Variants in EHD4 observed in about 807,000 individuals in gnomAD.
The protein encoded by EHD4 is EH domain containing 4, also known as EH domain-containing protein 4.
In EHD4, 37 loss-of-function variants were observed where a neutral mutation model predicts 51.0. The observed-to-expected ratio is 0.73, with a 90% CI of 0.56 to 0.95. The LOEUF is 0.95. Among genes scored for constraint, EHD4 ranks in the 40% least tolerant of loss-of-function variants. The pLI is 0.00. For synonymous variants in EHD4, 297 were observed against 317.3 expected (o/e 0.94, Z 0.68); for missense variants, 632 against 733.1 (o/e 0.86, Z 1.59).
In EHD4 at chr15:41,959,831, G is replaced by T. The variant is rs556153901; in HGVS notation, c.237-5891C>A. The stretch of plus-strand genomic sequence containing the variant: ...CTAAAAGCACAAAAATTAGCCGGGC[G>T]TGGTGGTGCGCACCTGTAATCCCAG... On this transcript the variant is annotated intron_variant, in intron 1 of 5. Coordinates refer to ENST00000220325, the MANE Select transcript of EHD4 (RefSeq NM_139265.4). 1.2e-3 allele frequency among the ~76,000 whole-genome samples: 189 copies of T among 151,866 alleles called. 2 individuals are homozygous for T. Among genetic ancestry groups the T allele is most frequent in the African/African-American group, 4.5e-3 (185 of 41,388 alleles).
chr15:41,910,449 T>C (rs28547280), intron 4 of EHD4, among the ~76,000 whole-genome samples: 57,877 of 152,072 alleles, frequency 0.38, 11,407 homozygotes, highest in Middle Eastern at 0.53. Context: ...CCTTGATCAC[T>C]GGGGCTTGGG....
intron 3 of EHD4, among the ~76,000 whole-genome samples, chr15:41,930,552 C>T (rs2067691640): frequency 6.6e-6 from 1 of 152,130 alleles, no homozygotes; most frequent in Non-Finnish European, 1.5e-5. Context: ...GGGATGACAA[C>T]TGGGGTCATA....
intron 1 of EHD4, among the ~76,000 whole-genome samples, chr15:41,954,225 C>T (rs533026870): frequency 2.3e-4 from 35 of 152,208 alleles, no homozygotes; most frequent in African/African-American, 7.2e-4. Flanking sequence ...TTTTGTGGTC[C>T]CTGGGCACCC....
At chr15:41,932,701 T>C (rs1331858958) in intron 3 of EHD4, among the ~76,000 whole-genome samples, 2 of 152,130 alleles carry the variant, frequency 1.3e-5, no homozygotes, top group Non-Finnish European at 2.9e-5. Context: ...CGGGTCATTC[T>C]CTTCAGCAGG....
intron 5 of EHD4, among the ~76,000 whole-genome samples, chr15:41,905,459 T>C (rs1470464956): frequency 2.0e-5 from 3 of 152,144 alleles, no homozygotes; most frequent in East Asian, 1.9e-4. Flanking sequence ...CTTGTGTGAA[T>C]TGAGCACTCA....
chr15:41,954,970 T>C (rs920517236), intron 1 of EHD4, among the ~76,000 whole-genome samples: 2 of 152,248 alleles, frequency 1.3e-5, no homozygotes, highest in African/African-American at 4.8e-5. Context: ...GGCTATATTC[T>C]AAACCTTTAA....
At chr15:41,955,881 G>A (rs1275450810) in intron 1 of EHD4, among the ~76,000 whole-genome samples, 5 of 152,134 alleles carry the variant, frequency 3.3e-5, no homozygotes, top group Admixed American at 2.6e-4. Context: ...ATTCAGCAGC[G>A]AGGCTGGAAT....
At chr15:41,956,014 G>A (rs1423876439) in intron 1 of EHD4, among the ~76,000 whole-genome samples, 5 of 152,198 alleles carry the variant, frequency 3.3e-5, no homozygotes, top group African/African-American at 1.2e-4. Flanking sequence ...TGGGGAGGGA[G>A]GGGCTTGGGA....
Position 41,901,089 on chromosome 15 carries a change from C to T in EHD4, c.1182G>A (p.Ser394=), listed in dbSNP as rs377333598. Residue 394 remains serine, a synonymous_variant, in exon 6 of 6, where the codon TCG becomes TCA. Transcript: ENST00000220325. The stretch of plus-strand genomic sequence containing the variant: ...CCTGGCTGATGAGGTTCATGAGGGG[C>T]GAGATCTTGTTGCTCAGCATGTTGT... ...AVDNMLSNKI[S]PLMNLISQEE... 2.7e-5 allele frequency: 43 copies of T among 1,612,358 alleles called. No individual in the cohort carries two copies. The highest frequency in any genetic ancestry group is 3.1e-5 in the Non-Finnish European group (36 of 1,179,190).
rs2068006516 is a variant in EHD4 at position 41,972,527 on chromosome 15, G to A, written c.-33C>T. 9 of 1,460,984 alleles carry A rather than the reference G, an allele frequency of 6.2e-6. No homozygotes were observed. The highest frequency in any genetic ancestry group is 1.5e-5 in the African/African-American group (1 of 68,160). 90.5% of individuals were successfully genotyped at this position (1,460,984 alleles called of 1,614,324 possible). ...CCAGTCCACGCTCGGATGGGACCCT[G>A]CTCCGGGTTCGACTCTCCCCGGCTC... On this transcript the variant is annotated 5_prime_UTR_variant, in exon 1 of 6. Coordinates refer to ENST00000220325, the MANE Select transcript of EHD4 (RefSeq NM_139265.4).
chr15:41,924,502 C>T (rs1338287829), intron 3 of EHD4, among the ~76,000 whole-genome samples: 1 of 152,180 alleles, frequency 6.6e-6, no homozygotes, highest in African/African-American at 2.4e-5. Context: ...TTTAGAATCA[C>T]CTTGGCACCT....
chr15:41,953,025 C>T lies in EHD4; in HGVS notation c.413+739G>A, dbSNP rs900472817. ...AAAAAAAAAAAAAAAAAAAAAACGA[C>T]CACGTAAGAAAATCAGCTTTTCATG... On this transcript the variant is annotated intron_variant, in intron 2 of 5. Transcript: ENST00000220325. 2.2e-5 allele frequency among the ~76,000 whole-genome samples: 3 copies of T among 136,114 alleles called. No homozygotes were observed. The East Asian group carries it at 6.5e-4, about 29-fold the overall frequency. 89.3% of individuals were successfully genotyped at this position (136,114 alleles called of 152,430 possible).
At chr15:41,901,251 G>A in intron 5 of EHD4, 70 bp from the exon 6 acceptor site, 1 of 1,474,418 alleles carries the variant, frequency 6.8e-7, no homozygotes, top group Non-Finnish European at 9.0e-7. Flanking sequence ...GGGGCCACTG[G>A]AGGGAGACTA....
intron 1 of EHD4, among the ~76,000 whole-genome samples, chr15:41,957,778 C>T (rs2067897137): frequency 6.6e-6 from 1 of 152,210 alleles, no homozygotes; most frequent in African/African-American, 2.4e-5. Flanking sequence ...AGATTTTTCA[C>T]TGGGGGACTG....
At chr15:41,931,172 GA>G (rs1156585319) in intron 3 of EHD4, among the ~76,000 whole-genome samples, 3 of 152,112 alleles carry the variant, frequency 2.0e-5, no homozygotes, top group African/African-American at 7.2e-5. Flanking sequence ...CATTGATAAA[GA>G]AAAATTGTAT....
intron 3 of EHD4, 26 bp downstream of exon 3, chr15:41,943,041 G>A (rs758856657): frequency 1.9e-6 from 3 of 1,540,898 alleles, no homozygotes; most frequent in Non-Finnish European, 2.6e-6. Context: ...AGCACTTGGT[G>A]GGGAGGGGCA....
chr15:41,922,533 G>A (rs182371934), intron 3 of EHD4, among the ~76,000 whole-genome samples: 4 of 152,178 alleles, frequency 2.6e-5, no homozygotes, highest in Non-Finnish European at 4.4e-5. Context: ...TGCTAGCTGC[G>A]CTCGCGCCAA....
At chr15:41,902,836 T>C (rs529247397) in intron 5 of EHD4, among the ~76,000 whole-genome samples, 1 of 105,010 alleles carries the variant, frequency 9.5e-6, no homozygotes, top group Non-Finnish European at 2.1e-5. Flanking sequence ...TATATATACA[T>C]ATGTATATAT....
intron 3 of EHD4, among the ~76,000 whole-genome samples, chr15:41,923,100 G>A (rs573580529): frequency 2.0e-4 from 30 of 152,196 alleles, no homozygotes; most frequent in African/African-American, 6.5e-4. Flanking sequence ...TCACATTGTC[G>A]TACAACCACC....
Sources: allele counts gnomAD v4.1 joint callset (sites outside exome capture counted in the v4.1 genomes callset), GRCh38; gene constraint gnomAD v4.1.1; transcripts MANE v1.5; gene names NCBI Gene and HGNC (gene_info 2026-07-23, HGNC 2026-07-21).